CCDC85A: variants seen among roughly 807,000 people sequenced by gnomAD.
CCDC85A encodes the protein coiled-coil domain containing 85A, also known as coiled-coil domain-containing protein 85A.
Under a neutral mutation model 50.2 loss-of-function variants are expected in CCDC85A, and 38 were observed. The observed-to-expected ratio is 0.76, with a 90% CI of 0.58 to 0.99. The LOEUF (loss-of-function observed/expected upper bound fraction) is 0.99, where lower values mean the gene tolerates loss of function less well. Among genes scored for constraint, CCDC85A ranks in the 50% least tolerant of loss-of-function variants. The probability of loss-of-function intolerance (pLI) is 0.00; values close to 1 mark genes in which losing one functional copy is unlikely to be tolerated. For synonymous variants in CCDC85A, 366 were observed against 301.4 expected, an observed-to-expected ratio of 1.21 and a Z score of -2.22; for missense variants, 820 against 742.0, an observed-to-expected ratio of 1.11 and a Z score of -1.22.
At chr2:56,246,098 G>A (rs549086982) in intron 2 of CCDC85A, among the ~76,000 whole-genome samples, 279 of 152,062 alleles carry the variant, frequency 1.8e-3, no homozygotes, top group African/African-American at 6.4e-3. Context: ...CTAATTTTTT[G>A]TATTTAGTGG....
At chr2:56,345,187 A>G (rs1674575755) in intron 3 of CCDC85A, among the ~76,000 whole-genome samples, 1 of 152,046 alleles carries the variant, frequency 6.6e-6, no homozygotes, top group African/African-American at 2.4e-5. Context: ...TTTTTGGTTC[A>G]TTTTGTTTTG....
chr2:56,322,239 G>T (rs184673792), intron 2 of CCDC85A, among the ~76,000 whole-genome samples: 2 of 152,064 alleles, frequency 1.3e-5, no homozygotes, highest in Non-Finnish European at 2.9e-5. Context: ...ATGGGCAAGG[G>T]CTTCATGTCT....
chr2:56,347,632 A>G (rs984548541), intron 3 of CCDC85A, among the ~76,000 whole-genome samples: 1 of 149,988 alleles, frequency 6.7e-6, no homozygotes, highest in African/African-American at 2.4e-5. Context: ...TTTATTATAT[A>G]CACACAAATT....
chr2:56,316,123 T>TAAA (rs148347406), intron 2 of CCDC85A, among the ~76,000 whole-genome samples: 7,410 of 152,142 alleles, frequency 0.049, 599 homozygotes, highest in African/African-American at 0.17. Flanking sequence ...CAAAATAACT[T>TAAA]AAGAGATTTG....
intron 2 of CCDC85A, among the ~76,000 whole-genome samples, chr2:56,250,595 G>A (rs1669711445): frequency 6.6e-6 from 1 of 152,116 alleles, no homozygotes; most frequent in Non-Finnish European, 1.5e-5. Flanking sequence ...AGGACATTTT[G>A]GGTTTCCTGA....
chr2:56,276,289 G>GCTT (rs1301409748), intron 2 of CCDC85A, among the ~76,000 whole-genome samples: 6 of 151,992 alleles, frequency 3.9e-5, no homozygotes, highest in African/African-American at 1.2e-4. Context: ...TTGCTTACTG[G>GCTT]CTTTTTATTT....
chr2:56,381,939 C>A (rs1676603457), intron 5 of CCDC85A, among the ~76,000 whole-genome samples: 1 of 151,940 alleles, frequency 6.6e-6, no homozygotes, highest in Non-Finnish European at 1.5e-5. Flanking sequence ...AAGATACTTT[C>A]AGAAAGCCAA....
intron 2 of CCDC85A, among the ~76,000 whole-genome samples, chr2:56,279,285 G>A (rs1156350549): frequency 1.3e-5 from 2 of 152,144 alleles, no homozygotes; most frequent in African/African-American, 2.4e-5. Flanking sequence ...CACATATGCA[G>A]TTCACCCACT....
chr2:56,301,029 T>C (rs1558630625), intron 2 of CCDC85A, among the ~76,000 whole-genome samples: 1 of 152,188 alleles, frequency 6.6e-6, no homozygotes, highest in African/African-American at 2.4e-5. Context: ...AGAGTGATAT[T>C]ACACTTCCTT....
chr2:56,249,658 G>A (rs949826471), intron 2 of CCDC85A, among the ~76,000 whole-genome samples: 38 of 152,312 alleles, frequency 2.5e-4, no homozygotes, highest in African/African-American at 6.3e-4. Context: ...GAGCCTTCAC[G>A]AAGTAGCTTT....
chr2:56,264,184 T>C (rs1670338718), intron 2 of CCDC85A, among the ~76,000 whole-genome samples: 1 of 152,144 alleles, frequency 6.6e-6, no homozygotes, highest in Non-Finnish European at 1.5e-5. Flanking sequence ...ATTATCTCTA[T>C]GCTATCCACT....
At chr2:56,293,213 G>A (rs1242966011) in intron 2 of CCDC85A, among the ~76,000 whole-genome samples, 2 of 152,166 alleles carry the variant, frequency 1.3e-5, no homozygotes, top group East Asian at 3.9e-4. Flanking sequence ...ATTCCATGTG[G>A]AGAAAAGCCA....
At chr2:56,268,524 G>A (rs1018773714) in intron 2 of CCDC85A, among the ~76,000 whole-genome samples, 17 of 151,656 alleles carry the variant, frequency 1.1e-4, no homozygotes, top group African/African-American at 4.1e-4. Context: ...GAACCTGGGA[G>A]GCGGAGGTTG....
chr2:56,351,989 T>C (rs1171893387), intron 3 of CCDC85A, among the ~76,000 whole-genome samples: 1 of 152,218 alleles, frequency 6.6e-6, no homozygotes, highest in African/African-American at 2.4e-5. Context: ...GTTTTAGGTC[T>C]AAGGTTTAAG....
At chr2:56,299,433 A>T (rs1270633157) in intron 2 of CCDC85A, among the ~76,000 whole-genome samples, 1 of 152,166 alleles carries the variant, frequency 6.6e-6, no homozygotes, top group Non-Finnish European at 1.5e-5. Context: ...TGCTGCAATA[A>T]GAGAATTAAA....
intron 5 of CCDC85A, among the ~76,000 whole-genome samples, chr2:56,379,017 C>G (rs1378350738): frequency 6.6e-6 from 1 of 152,142 alleles, no homozygotes; most frequent in Non-Finnish European, 1.5e-5. Context: ...AAACTTTAGA[C>G]ATTTTTAAAG....
At chr2:56,321,603 T>A (rs893990356) in intron 2 of CCDC85A, among the ~76,000 whole-genome samples, 19 of 152,144 alleles carry the variant, frequency 1.2e-4, no homozygotes, top group Non-Finnish European at 2.2e-4. Context: ...AAGGACGTTT[T>A]CAAGGAGAAC....
intron 2 of CCDC85A, among the ~76,000 whole-genome samples, chr2:56,233,230 C>G (rs1668851113): frequency 6.6e-6 from 1 of 152,138 alleles, no homozygotes; most frequent in Non-Finnish European, 1.5e-5. Flanking sequence ...CCCGGATAGG[C>G]AAGGAAATTG....
chr2:56,261,388 C>T (rs762203097), intron 2 of CCDC85A, among the ~76,000 whole-genome samples: 3 of 152,128 alleles, frequency 2.0e-5, no homozygotes, highest in Non-Finnish European at 4.4e-5. Context: ...CTGGCACAGC[C>T]CTGCTGCCAT....
Sources: gnomAD v4.1 joint callset for allele counts (sites outside exome capture counted in the v4.1 genomes callset) on GRCh38, gnomAD v4.1.1 for gene constraint, MANE v1.5 for transcripts, NCBI Gene and HGNC (gene_info 2026-07-23, HGNC 2026-07-21) for gene names.